APBA2: variants seen among roughly 807,000 people sequenced by gnomAD.
The protein encoded by APBA2 is amyloid beta precursor protein binding family A member 2, also known as amyloid-beta A4 precursor protein-binding family A member 2.
APBA2 carries 30 observed loss-of-function variants against 75.0 expected under a neutral mutation model. The observed-to-expected ratio is 0.40, with a 90% CI of 0.30 to 0.54. The LOEUF is 0.54. APBA2 is among the 20% of genes least tolerant of loss of function. APBA2 has a pLI of 0.49. For missense variants in APBA2, 801 were observed against 1,016.1 expected, an observed-to-expected ratio of 0.79 and a Z score of 2.88; for synonymous variants, 444 against 409.6, an observed-to-expected ratio of 1.08 and a Z score of -1.01.
chr15:28,939,807 G>A (rs1281174397), intron 2 of APBA2, among the ~76,000 whole-genome samples: 1 of 152,172 alleles, frequency 6.6e-6, no homozygotes, highest in Non-Finnish European at 1.5e-5. Context: ...GTGCCTCCGT[G>A]CAGCTTGGGA....
chr15:29,109,156 G>A (rs1458243606), intron 13 of APBA2, among the ~76,000 whole-genome samples: 4 of 152,198 alleles, frequency 2.6e-5, no homozygotes, highest in African/African-American at 7.2e-5. Context: ...GGGCTGGAGT[G>A]GGAGTTTTGT....
intron 13 of APBA2, among the ~76,000 whole-genome samples, chr15:29,111,347 TC>T (rs1199657577): frequency 2.0e-5 from 3 of 152,014 alleles, no homozygotes; most frequent in Non-Finnish European, 4.4e-5. Context: ...GGGTCCCACT[TC>T]CTTGAGGCCT....
At chr15:28,977,927 T>A (rs66939603) in intron 2 of APBA2, among the ~76,000 whole-genome samples, 33 of 151,944 alleles carry the variant, frequency 2.2e-4, no homozygotes, top group African/African-American at 8.0e-4. Flanking sequence ...AGTGAACAGC[T>A]TGGGCTGTGG....
intron 4 of APBA2, among the ~76,000 whole-genome samples, chr15:29,069,671 G>A (rs1375045712): frequency 6.6e-6 from 1 of 152,208 alleles, no homozygotes; most frequent in African/African-American, 2.4e-5. Flanking sequence ...ACTGGGTTCT[G>A]TCTCCACATT....
At chr15:29,091,942 G>A (rs10775130) in intron 6 of APBA2, among the ~76,000 whole-genome samples, 129,895 of 152,160 alleles carry the variant, frequency 0.85, 58,501 homozygotes, top group Non-Finnish European at 0.99. Context: ...AAAATCCCCA[G>A]TGGAAGGGGC....
At chr15:29,058,595 A>G (rs2042003026) in intron 4 of APBA2, among the ~76,000 whole-genome samples, 1 of 152,026 alleles carries the variant, frequency 6.6e-6, no homozygotes, top group Non-Finnish European at 1.5e-5. Flanking sequence ...GAGCTGTAGG[A>G]TGCCATGCAT....
At chr15:28,907,074 A>G (rs1400681682) in intron 1 of APBA2, among the ~76,000 whole-genome samples, 1 of 152,184 alleles carries the variant, frequency 6.6e-6, no homozygotes, top group Admixed American at 6.5e-5. Flanking sequence ...CTACCCTAAT[A>G]TATATAAGCA....
chr15:28,978,327 C>G (rs186509846), intron 2 of APBA2, among the ~76,000 whole-genome samples: 10 of 152,356 alleles, frequency 6.6e-5, no homozygotes, highest in Non-Finnish European at 1.5e-5. Flanking sequence ...CGTTTGCCTT[C>G]ATTGTCACAG....
chr15:28,894,122 A>C (rs540308336), intron 1 of APBA2: 1 of 152,300 alleles, frequency 6.6e-6, no homozygotes, highest in South Asian at 2.1e-4. Context: ...GGACACTAAC[A>C]TGGTAGGTCT....
intron 2 of APBA2, among the ~76,000 whole-genome samples, chr15:28,924,253 TA>T (rs945151412): frequency 1.1e-4 from 17 of 150,718 alleles, no homozygotes; most frequent in South Asian, 4.2e-4. Context: ...GTTTTTTTTT[TA>T]AAAAAGTGGG....
At chr15:28,958,270 C>T (rs927851822) in intron 2 of APBA2, among the ~76,000 whole-genome samples, 4 of 152,198 alleles carry the variant, frequency 2.6e-5, no homozygotes, top group Non-Finnish European at 4.4e-5. Flanking sequence ...ATAATAGCAA[C>T]GTGGCTGTTA....
rs970456437 is a variant in APBA2 at position 29,107,246 on chromosome 15, G to A, written c.1917+427G>A. On this transcript the variant is annotated intron_variant, in intron 12 of 14. Transcript: ENST00000683413. ...CCCTGCATGGGTTGGGTTCTGGGACGCAGGTTCCCTTAAGTAAGGAGGCCA... is the reference window on the plus strand; with the variant it reads ...CCCTGCATGGGTTGGGTTCTGGGACACAGGTTCCCTTAAGTAAGGAGGCCA... Among the ~76,000 whole-genome samples the A allele has an allele frequency of 6.6e-5, 10 of 152,312 alleles. 1 individual carries two copies. In the East Asian group the frequency reaches 9.7e-4, roughly 15 times the overall value.
intron 2 of APBA2, among the ~76,000 whole-genome samples, chr15:28,965,510 T>C (rs886542939): frequency 4.6e-5 from 7 of 152,238 alleles, no homozygotes; most frequent in Non-Finnish European, 1.0e-4. Flanking sequence ...ATCTACAAAA[T>C]ACCTTACAAA....
chr15:29,066,408 A>T (rs1052208850), intron 4 of APBA2, among the ~76,000 whole-genome samples: 1 of 152,246 alleles, frequency 6.6e-6, no homozygotes, highest in Non-Finnish European at 1.5e-5. Flanking sequence ...AGGCTGCAAT[A>T]TGGACAAACC....
chr15:29,068,038 C>T (rs1200995231), intron 4 of APBA2, among the ~76,000 whole-genome samples: 1 of 152,154 alleles, frequency 6.6e-6, no homozygotes, highest in African/African-American at 2.4e-5. Flanking sequence ...ATTCAATTTC[C>T]TTTTGGCTTG....
chr15:29,039,917 T>C (rs1408801064), intron 3 of APBA2, among the ~76,000 whole-genome samples: 2 of 152,166 alleles, frequency 1.3e-5, no homozygotes, highest in Non-Finnish European at 2.9e-5. Flanking sequence ...GGTTGGAGCT[T>C]GAATGCGCAG....
intron 2 of APBA2, among the ~76,000 whole-genome samples, chr15:28,926,166 C>T (rs1467045677): frequency 6.6e-6 from 1 of 152,094 alleles, no homozygotes; most frequent in African/African-American, 2.4e-5. Flanking sequence ...TTTGATCATT[C>T]ACATTTAAAT....
chr15:29,096,953 G>T (rs1459198330), intron 8 of APBA2, among the ~76,000 whole-genome samples: 1 of 152,216 alleles, frequency 6.6e-6, no homozygotes, highest in Non-Finnish European at 1.5e-5. Context: ...ACTCTGAAGA[G>T]TTCACTCAGC....
At chr15:29,032,576 T>C (rs2040542796) in intron 3 of APBA2, among the ~76,000 whole-genome samples, 1 of 152,226 alleles carries the variant, frequency 6.6e-6, no homozygotes, top group Non-Finnish European at 1.5e-5. Flanking sequence ...CCTAATACTG[T>C]AGTTTTTTCA....
Sources: gnomAD v4.1 joint callset for allele counts (sites outside exome capture counted in the v4.1 genomes callset) on GRCh38, gnomAD v4.1.1 for gene constraint, MANE v1.5 for transcripts, NCBI Gene and HGNC (gene_info 2026-07-23, HGNC 2026-07-21) for gene names.